Variants in AK5 observed in about 807,000 individuals in gnomAD.
The protein encoded by AK5 is adenylate kinase isoenzyme 5.
Under a neutral mutation model 69.5 loss-of-function variants are expected in AK5, and 27 were observed. That is an observed-to-expected ratio of 0.39 (90% CI 0.29 to 0.54). The LOEUF (loss-of-function observed/expected upper bound fraction) is 0.54, where lower values mean the gene tolerates loss of function less well. Among genes scored for constraint, AK5 ranks in the 20% least tolerant of loss-of-function variants. The pLI, the probability that AK5 is intolerant of heterozygous loss-of-function variation, is 0.71. For synonymous variants in AK5, 260 were observed against 244.4 expected (o/e 1.06, Z -0.60); for missense variants, 531 against 700.4 (o/e 0.76, Z 2.73).
intron 6 of AK5, among the ~76,000 whole-genome samples, chr1:77,400,676 G>A (rs1243621622): frequency 1.3e-5 from 2 of 152,058 alleles, no homozygotes; most frequent in Non-Finnish European, 2.9e-5. Context: ...TCAAGGAGAA[G>A]TTTTTCATAA....
chr1:77,471,120 G>T (rs1380584005), intron 8 of AK5, among the ~76,000 whole-genome samples: 1 of 151,294 alleles, frequency 6.6e-6, no homozygotes, highest in African/African-American at 2.4e-5. Flanking sequence ...CTGACCTCGT[G>T]ATCCACCCGC....
At chr1:77,434,854 T>G (rs1498403) in intron 8 of AK5, among the ~76,000 whole-genome samples, 10,887 of 152,224 alleles carry the variant, frequency 0.072, 584 homozygotes, top group East Asian at 0.25. Flanking sequence ...GGTATGAGTT[T>G]ACATCATATC....
At position 77,558,680 on chromosome 1, in the gene AK5, T is replaced by G. The variant is rs762008024; in HGVS notation, c.*10T>G. The G allele has an allele frequency of 5.9e-6, 9 of 1,537,018 alleles. No homozygotes were observed. The highest frequency in any genetic ancestry group is 8.1e-6 in the Non-Finnish European group (9 of 1,112,650). On this transcript the variant is annotated 3_prime_UTR_variant, in exon 14 of 14. Coordinates refer to ENST00000354567, the MANE Select transcript of AK5 (RefSeq NM_174858.3). ...TGACTCTATTTTCTGAAGGCAAAAA[T>G]GCATGTTTGTTAGAATGGAAACAGA...
At position 77,282,087 on chromosome 1, in the gene AK5, G is replaced by A. The variant is rs1281115964; in HGVS notation, c.-227G>A. On this transcript the variant is annotated 5_prime_UTR_variant, in exon 1 of 14. Coordinates refer to ENST00000354567, the MANE Select transcript of AK5 (RefSeq NM_174858.3). ...GCTCGGCGCCTGCAGCTCCGGCTCG[G>A]GGGCTGGAACCGAAGCGGGGGCGGC... The A allele has an allele frequency of 3.7e-5, 15 of 400,738 alleles. No individual in the cohort carries two copies. The highest frequency in any genetic ancestry group is 7.7e-5 in the East Asian group (2 of 25,938). 24.8% of individuals were successfully genotyped at this position (400,738 alleles called of 1,614,324 possible). A position where few individuals can be genotyped will look rare whatever the true frequency, so the allele number is the denominator to read the frequency against.
intron 13 of AK5, chr1:77,540,514 C>T (rs1394680787): frequency 6.6e-6 from 1 of 152,192 alleles, no homozygotes; most frequent in African/African-American, 2.4e-5. Context: ...TAGAATTAGC[C>T]TACAAGAAGA....
chr1:77,304,289 C>G (rs906248541), intron 5 of AK5, among the ~76,000 whole-genome samples: 1 of 152,064 alleles, frequency 6.6e-6, no homozygotes, highest in African/African-American at 2.4e-5. Flanking sequence ...CTTTCTATGC[C>G]TGTCTTATTT....
chr1:77,309,338 A>G (rs913374135), intron 5 of AK5, among the ~76,000 whole-genome samples: 1 of 152,140 alleles, frequency 6.6e-6, no homozygotes, highest in African/African-American at 2.4e-5. Flanking sequence ...CGTGATTAAC[A>G]ATATATTCAA....
chr1:77,419,030 T>G (rs865929299), intron 8 of AK5, among the ~76,000 whole-genome samples: 3 of 142,544 alleles, frequency 2.1e-5, no homozygotes, highest in Admixed American at 7.4e-5. Flanking sequence ...GAAGTAAGAA[T>G]TATTATCTCT....
chr1:77,323,230 G>T (rs780162112), intron 5 of AK5, among the ~76,000 whole-genome samples: 1 of 152,054 alleles, frequency 6.6e-6, no homozygotes, highest in South Asian at 2.1e-4. Context: ...GACCTCAGGG[G>T]ATCTGCCTAC....
intron 6 of AK5, among the ~76,000 whole-genome samples, chr1:77,400,722 A>G (rs748807852): frequency 7.9e-5 from 12 of 152,058 alleles, no homozygotes; most frequent in African/African-American, 2.9e-4. Context: ...TTTCTCTAGT[A>G]TCTCTTTATT....
intron 5 of AK5, among the ~76,000 whole-genome samples, chr1:77,330,012 G>T (rs1249783882): frequency 6.6e-6 from 1 of 152,144 alleles, no homozygotes; most frequent in Admixed American, 6.5e-5. Flanking sequence ...AAGAAAGATG[G>T]ATATTCTCCA....
intron 5 of AK5, among the ~76,000 whole-genome samples, chr1:77,335,847 C>T (rs578134626): frequency 6.6e-6 from 1 of 152,182 alleles, no homozygotes; most frequent in East Asian, 1.9e-4. Context: ...TCTCACAGTT[C>T]TGGAGGCTAA....
At chr1:77,334,800 C>T (rs1305773993) in intron 5 of AK5, among the ~76,000 whole-genome samples, 1 of 152,000 alleles carries the variant, frequency 6.6e-6, no homozygotes, top group Non-Finnish European at 1.5e-5. Flanking sequence ...TTTTGGAGTC[C>T]AACAAAAGCC....
At chr1:77,474,405 T>C in intron 8 of AK5, among the ~76,000 whole-genome samples, 1 of 152,210 alleles carries the variant, frequency 6.6e-6, no homozygotes, top group East Asian at 1.9e-4. Context: ...TGTCTCACTT[T>C]CCACTCAGGC....
intron 13 of AK5, among the ~76,000 whole-genome samples, chr1:77,546,732 A>G (rs564813064): frequency 5.1e-4 from 78 of 152,296 alleles, no homozygotes; most frequent in African/African-American, 1.8e-3. Context: ...AACAAAAAAG[A>G]CTTGTGAAAC....
At chr1:77,370,048 A>G (rs1325515361) in intron 6 of AK5, among the ~76,000 whole-genome samples, 1 of 152,214 alleles carries the variant, frequency 6.6e-6, no homozygotes, top group Non-Finnish European at 1.5e-5. Flanking sequence ...CCAGTGTTGT[A>G]GGGAGGAACT....
At chr1:77,538,363 A>C (rs28483962) in intron 13 of AK5, among the ~76,000 whole-genome samples, 80,909 of 144,164 alleles carry the variant, frequency 0.56, 23,567 homozygotes, top group Non-Finnish European at 0.65. Context: ...ACAACAACAA[A>C]AAAAAAAAAC....
intron 6 of AK5, among the ~76,000 whole-genome samples, chr1:77,378,362 G>A (rs1647378897): frequency 6.6e-6 from 1 of 151,888 alleles, no homozygotes. Flanking sequence ...CGCTTTTGTT[G>A]CCCAGGCTGT....
chr1:77,296,003 A>T (rs1347412572), intron 3 of AK5, among the ~76,000 whole-genome samples: 2 of 152,218 alleles, frequency 1.3e-5, no homozygotes, highest in Admixed American at 6.5e-5. Context: ...TACAAGAATG[A>T]TGAAGAACCA....
Sources: gnomAD v4.1 joint callset for allele counts (sites outside exome capture counted in the v4.1 genomes callset) on GRCh38, gnomAD v4.1.1 for gene constraint, MANE v1.5 for transcripts, NCBI Gene and HGNC (gene_info 2026-07-23, HGNC 2026-07-21) for gene names.